The following SEL1L variants were observed in gnomAD, a reference collection of about 807,000 sequenced individuals.
SEL1L encodes the protein SEL1L adaptor subunit of SYVN1 ubiquitin ligase.
Under a neutral mutation model 109.8 loss-of-function variants are expected in SEL1L, and 52 were observed. The observed-to-expected ratio is 0.47, with a 90% confidence interval of 0.38 to 0.60. The LOEUF (loss-of-function observed/expected upper bound fraction) is 0.60. Ranked by LOEUF, SEL1L falls within the 20% of genes least tolerant of loss-of-function variation. The pLI is 0.00. For missense variants in SEL1L, 749 were observed against 962.2 expected (o/e 0.78, Z 2.93); for synonymous variants, 373 against 339.6 (o/e 1.10, Z -1.08).
intron 14 of SEL1L, 84 bp from the exon 15 acceptor site, chr14:81,488,026 A>G: frequency 9.6e-7 from 1 of 1,038,872 alleles, no homozygotes; most frequent in Non-Finnish European, 1.4e-6. Context: ...AAAAATGAAC[A>G]AAGCATATAA....
chr14:81,484,638 G>T, intron 18 of SEL1L: 1 of 369,042 alleles, frequency 2.7e-6, no homozygotes, highest in South Asian at 5.2e-5. Flanking sequence ...TGGTGTGTGT[G>T]TAGGGGGACA....
chr14:81,503,968 C>T (rs1884122931), intron 5 of SEL1L, among the ~76,000 whole-genome samples: 1 of 142,394 alleles, frequency 7.0e-6, no homozygotes, highest in Non-Finnish European at 1.6e-5. Flanking sequence ...TTGAGTCAAT[C>T]ATTGCCATTT....
intron 17 of SEL1L, 95 bp downstream of exon 17, chr14:81,486,194 G>A: frequency 8.5e-7 from 1 of 1,172,302 alleles, no homozygotes; most frequent in Non-Finnish European, 1.2e-6. Flanking sequence ...AATAAAGAAT[G>A]TTTCCTAGTA....
At chr14:81,510,335 G>T (rs1445159604) in intron 3 of SEL1L, among the ~76,000 whole-genome samples, 1 of 152,164 alleles carries the variant, frequency 6.6e-6, no homozygotes, top group Non-Finnish European at 1.5e-5. Flanking sequence ...ATAAAGGGGA[G>T]TAGAGGAGTG....
At chr14:81,526,029 T>C (rs1020248629) in intron 3 of SEL1L, among the ~76,000 whole-genome samples, 1 of 152,208 alleles carries the variant, frequency 6.6e-6, no homozygotes, top group Admixed American at 6.5e-5. Context: ...AATTCTATTT[T>C]TTTAAAAAGT....
Position 81,476,841 on chromosome 14 carries a change from G to A in SEL1L, c.*131C>T. The A allele has an allele frequency of 3.7e-6, 3 of 815,998 alleles. 1 individual carries two copies. In the South Asian group the frequency reaches 5.6e-5, roughly 15 times the overall value. 50.5% of individuals were successfully genotyped at this position (815,998 alleles called of 1,614,324 possible). On this transcript the variant is annotated 3_prime_UTR_variant, in exon 21 of 21. Coordinates refer to ENST00000336735, the MANE Select transcript of SEL1L (RefSeq NM_005065.6). ...GGCATCAGATTCTAAGCAGCTTTAG[G>A]AATTCAATGCTTCCTTGTGCCGTGC...
intron 17 of SEL1L, 74 bp from the exon 18 acceptor site, chr14:81,485,820 A>G (rs1903504058): frequency 1.7e-6 from 2 of 1,170,246 alleles, no homozygotes; most frequent in African/African-American, 3.0e-5. Flanking sequence ...TTTGCAAAGT[A>G]GGAAGGATAG....
chr14:81,533,815 AC>A lies in SEL1L; in HGVS notation c.-72del. Reference sequence around the variant, plus strand: ...CTCTGCCACCACGGACTCAGCCACCACCGCCGCCTCGCCGCTGCTCTTCCTG... The same window carrying A: ...CTCTGCCACCACGGACTCAGCCACCACGCCGCCTCGCCGCTGCTCTTCCTG... On this transcript the variant is annotated 5_prime_UTR_variant, in exon 1 of 21. Coordinates refer to ENST00000336735, the MANE Select transcript of SEL1L (RefSeq NM_005065.6). The A allele has an allele frequency of 6.9e-7, 1 of 1,452,338 alleles. No homozygotes were observed. The highest frequency in any genetic ancestry group is 9.5e-7 in the Non-Finnish European group (1 of 1,050,196). 90.0% of individuals were successfully genotyped at this position (1,452,338 alleles called of 1,614,324 possible).
chr14:81,487,046 C>T (rs1346522143), intron 16 of SEL1L, among the ~76,000 whole-genome samples: 1 of 151,078 alleles, frequency 6.6e-6, no homozygotes, highest in East Asian at 1.9e-4. Flanking sequence ...CTCAAGCCTT[C>T]ATCCACCTCA....
At chr14:81,498,392 T>G (rs1883863385) in intron 9 of SEL1L, 21 bp downstream of exon 9, 1 of 1,577,868 alleles carries the variant, frequency 6.3e-7, no homozygotes, top group Admixed American at 1.8e-5. Context: ...TCCTAAAAGG[T>G]AAAAGGGGAA....
In SEL1L at chr14:81,472,322, A is replaced by G. The variant is rs1484549450; in HGVS notation, c.*4650T>C. 5.2e-6 allele frequency: 1 copy of G among 192,810 alleles called. No individual in the cohort carries two copies. The highest frequency in any genetic ancestry group is 2.4e-5 in the African/African-American group (1 of 41,744). The allele number at this position is 192,810 out of a possible 1,614,324, so 11.9% of individuals were successfully genotyped here. A position where few individuals can be genotyped will look rare whatever the true frequency, so the allele number is the denominator to read the frequency against. ...ACAATTTGAGATCTTGAGATCTGAC[A>G]TCTCAGTTGCCACAGTTTGCATCAT... On this transcript the variant is annotated 3_prime_UTR_variant, in exon 21 of 21. Coordinates refer to ENST00000336735, the MANE Select transcript of SEL1L (RefSeq NM_005065.6).
In SEL1L at chr14:81,492,475, A is replaced by T. The variant is rs2140001426; in HGVS notation, c.1254+5T>A. ...TACATAAAACATTCACAGGATGTAC[A>T]GTACCTTTCCCAAAAAGGCCATGGC... On this transcript the variant is annotated splice_donor_5th_base_variant and intron_variant, in intron 12 of 20. Coordinates refer to ENST00000336735, the MANE Select transcript of SEL1L (RefSeq NM_005065.6). The T allele has an allele frequency of 6.2e-7, 1 of 1,606,044 alleles. No homozygotes were observed. The highest frequency in any genetic ancestry group is 2.2e-5 in the East Asian group (1 of 44,814).
At chr14:81,510,510 C>A (rs201517122) in intron 3 of SEL1L, among the ~76,000 whole-genome samples, 10,493 of 106,940 alleles carry the variant, frequency 0.098, 464 homozygotes, top group African/African-American at 0.12. Context: ...CTCTCTCTCT[C>A]TCTCTATATA....
At chr14:81,488,011 T>G in intron 14 of SEL1L, 69 bp from the exon 15 acceptor site, 3 of 1,214,792 alleles carry the variant, frequency 2.5e-6, no homozygotes, top group Non-Finnish European at 3.5e-6. Flanking sequence ...AAGAGATTTA[T>G]TTAAAAAAAT....
chr14:81,491,737 A>G (rs1883544785), intron 12 of SEL1L, among the ~76,000 whole-genome samples: 1 of 152,234 alleles, frequency 6.6e-6, no homozygotes, highest in Non-Finnish European at 1.5e-5. Context: ...ATTTATTTAT[A>G]AAGTTTCTAG....
At chr14:81,485,269 G>C (rs1272021756) in intron 18 of SEL1L, among the ~76,000 whole-genome samples, 1 of 151,970 alleles carries the variant, frequency 6.6e-6, no homozygotes, top group Non-Finnish European at 1.5e-5. Flanking sequence ...CAGTATCTCT[G>C]CTTAATTAAT....
chr14:81,495,074 T>C lies in SEL1L; in HGVS notation c.1185+7A>G. 1.2e-6 allele frequency: 2 copies of C among 1,613,350 alleles called. No individual in the cohort carries two copies. Among genetic ancestry groups the C allele is most frequent in the South Asian group, 1.1e-5 (1 of 90,904 alleles). On this transcript the variant is annotated splice_region_variant and intron_variant, in intron 11 of 20. Coordinates refer to ENST00000336735, the MANE Select transcript of SEL1L (RefSeq NM_005065.6). ...GAGATGCAAAGCCCTAGGAACAGGG[T>C]AGTTACCTGATGATTCTGTTCTACT...
rs926800544 is a variant in SEL1L at position 81,473,085 on chromosome 14, T to A, written c.*3887A>T. On this transcript the variant is annotated 3_prime_UTR_variant, in exon 21 of 21. Coordinates refer to ENST00000336735, the MANE Select transcript of SEL1L (RefSeq NM_005065.6). ...ATACATTTACAAAAAGAGTCTACCA[T>A]GGTGTTCCTTCACAATGCCAGCTTA... 1 of 152,444 alleles carries A rather than the reference T, an allele frequency of 6.6e-6. No homozygotes were observed. The highest frequency in any genetic ancestry group is 1.5e-5 in the Non-Finnish European group (1 of 68,152). 9.4% of individuals were successfully genotyped at this position (152,444 alleles called of 1,614,324 possible).
At chr14:81,502,992 C>G in intron 5 of SEL1L, 109 bp from the exon 6 acceptor site, 1 of 850,156 alleles carries the variant, frequency 1.2e-6, no homozygotes, top group Non-Finnish European at 1.8e-6. Context: ...GTTACAAAAC[C>G]CCTTTGATAA....
Sources: gnomAD v4.1 joint callset for allele counts (sites outside exome capture counted in the v4.1 genomes callset) on GRCh38, gnomAD v4.1.1 for gene constraint, MANE v1.5 for transcripts, NCBI Gene and HGNC (gene_info 2026-07-23, HGNC 2026-07-21) for gene names.